HS3ST1: variants seen among roughly 807,000 people sequenced by gnomAD.
HS3ST1 encodes the protein heparan sulfate-glucosamine 3-sulfotransferase 1.
In HS3ST1, 8 loss-of-function variants were observed where a neutral mutation model predicts 20.7. The observed-to-expected ratio is 0.39, with a 90% CI of 0.23 to 0.70. The LOEUF is 0.70. Among genes scored for constraint, HS3ST1 ranks in the 30% least tolerant of loss-of-function variants. The pLI, the probability that HS3ST1 is intolerant of heterozygous loss-of-function variation, is 0.46. For missense variants in HS3ST1, 436 were observed against 423.4 expected (o/e 1.03, Z -0.26); for synonymous variants, 205 against 190.4 (o/e 1.08, Z -0.63).
chr4:11,399,188 G>C lies in HS3ST1; in HGVS notation c.818C>G (p.Ala273Gly), dbSNP rs866243263. 6.2e-7 allele frequency: 1 copy of C among 1,614,016 alleles called. No homozygotes were observed. Among genetic ancestry groups the C allele is most frequent in the Non-Finnish European group, 8.5e-7 (1 of 1,180,028 alleles). Residue 273 changes from alanine to glycine, a missense_variant, in exon 2 of 2, where the codon GCG becomes GGG. Coordinates refer to ENST00000002596, the MANE Select transcript of HS3ST1 (RefSeq NM_005114.4). This position sits in a 1 kb window ranked among gnomAD's most constrained non-coding sequence, Gnocchi z 5.1. ...DRCLHESKGR[A>G]HPQVDPKLLN... ...TAGTTTGGGATCGACTTGGGGGTGCGCCCGGCCTTTGGACTCATGTAAGCA... is the reference window on the plus strand; with the variant it reads ...TAGTTTGGGATCGACTTGGGGGTGCCCCCGGCCTTTGGACTCATGTAAGCA...
At chr4:11,420,858 G>T (rs187134714) in intron 1 of HS3ST1, among the ~76,000 whole-genome samples, 119 of 152,254 alleles carry the variant, frequency 7.8e-4, no homozygotes, top group African/African-American at 2.6e-3. Context: ...ATTTCACCTT[G>T]AAGACAACAC....
rs375448551 is a variant in HS3ST1, at chr4:11,405,801, A to T, written c.-108-5688T>A. ...GAAGCAATGAAATAACCCTTCAAAA[A>T]TATTTTCATTTTCTCCTTATGTCTC... On this transcript the variant is annotated intron_variant, in intron 1 of 1. Transcript: ENST00000002596. Among the ~76,000 whole-genome samples the T allele has an allele frequency of 2.0e-5, 3 of 152,344 alleles. No homozygotes were observed. The East Asian group carries it at 5.8e-4, about 29-fold the overall frequency.
chr4:11,415,121 C>T (rs1303922086), intron 1 of HS3ST1, among the ~76,000 whole-genome samples: 1 of 152,118 alleles, frequency 6.6e-6, no homozygotes, highest in Admixed American at 6.5e-5. Context: ...GGAGAAGGCA[C>T]CTGAGGAAAG....
intron 1 of HS3ST1, among the ~76,000 whole-genome samples, chr4:11,413,772 A>G (rs980072170): frequency 2.0e-5 from 3 of 150,314 alleles, no homozygotes; most frequent in African/African-American, 7.4e-5. Context: ...ACAGAGGCTC[A>G]TCGATAATGG....
At chr4:11,401,454 C>T (rs1455289164) in intron 1 of HS3ST1, among the ~76,000 whole-genome samples, 1 of 151,420 alleles carries the variant, frequency 6.6e-6, no homozygotes, top group Non-Finnish European at 1.5e-5. Flanking sequence ...AAGTGATTTT[C>T]CTGCCTCAGT....
chr4:11,415,158 A>G (rs889142350), intron 1 of HS3ST1, among the ~76,000 whole-genome samples: 6 of 152,234 alleles, frequency 3.9e-5, no homozygotes, highest in African/African-American at 1.4e-4. Context: ...GGACAAAAAC[A>G]AAGTTCAACA....
At chr4:11,427,515 TC>T (rs1212334759) in intron 1 of HS3ST1, among the ~76,000 whole-genome samples, 2 of 151,772 alleles carry the variant, frequency 1.3e-5, no homozygotes, top group Non-Finnish European at 2.9e-5. Context: ...CTCCCTAGAA[TC>T]CCCCCAAAAG....
chr4:11,405,190 A>G (rs1045638582), intron 1 of HS3ST1, among the ~76,000 whole-genome samples: 11 of 152,248 alleles, frequency 7.2e-5, no homozygotes, highest in Non-Finnish European at 1.6e-4. Flanking sequence ...CGATGGGTTA[A>G]TAGGTCCCAA....
chr4:11,399,726 C>T lies in HS3ST1; in HGVS notation c.280G>A (p.Glu94Lys), dbSNP rs768494055. The T allele has an allele frequency of 4.5e-5, 72 of 1,613,758 alleles. No homozygotes were observed. Among genetic ancestry groups the T allele is most frequent in the Non-Finnish European group, 5.2e-5 (61 of 1,180,038 alleles). ...ENEVHFFDWE[E>K]HYSHGLGWYL... ...CAGCCCAAGCCGTGGCTGTAATGCT[C>T]CTCCCAGTCGAAGAAGTGGACCTCG... The change falls in exon 2 of 2, where the codon GAG (glutamate) becomes AAG (lysine). Residue 94 changes from glutamate (E) to lysine (K), a missense_variant. Glu to Lys is a moderately conservative substitution (Grantham distance 56, BLOSUM62 1). Transcript: ENST00000002596. The surrounding 1 kb of genome is among the most constrained non-coding windows in gnomAD (Gnocchi z 5.1).
intron 1 of HS3ST1, among the ~76,000 whole-genome samples, chr4:11,422,544 G>T (rs1157265597): frequency 6.6e-6 from 1 of 152,114 alleles, no homozygotes; most frequent in Admixed American, 6.5e-5. Context: ...CATGAGACAG[G>T]CAGAGACTCG....
chr4:11,426,813 G>A (rs58059313), intron 1 of HS3ST1, among the ~76,000 whole-genome samples: 1 of 152,240 alleles, frequency 6.6e-6, no homozygotes, highest in South Asian at 2.1e-4. Context: ...TCTCTGCTTA[G>A]CGCTGGAGAA....
chr4:11,415,480 A>G (rs933806800), intron 1 of HS3ST1, among the ~76,000 whole-genome samples: 1 of 152,272 alleles, frequency 6.6e-6, no homozygotes, highest in African/African-American at 2.4e-5. Flanking sequence ...TAGCTCAATG[A>G]TATTAACTTG....
chr4:11,394,013 G>A lies in HS3ST1; in HGVS notation c.*5069C>T, dbSNP rs1048102011. 2 of 152,314 alleles carry A rather than the reference G, an allele frequency of 1.3e-5. No individual in the cohort carries two copies. The highest frequency in any genetic ancestry group is 4.8e-5 in the African/African-American group (2 of 41,558). The allele number at this position is 152,314 out of a possible 1,614,324, so 9.4% of individuals were successfully genotyped here. On this transcript the variant is annotated 3_prime_UTR_variant, in exon 2 of 2. Transcript: ENST00000002596. ...ACAGTCACATAGCTGGGAAGCAGAG[G>A]AGGAAAAAAGGCAGCGCATTTCTGC...
At chr4:11,414,810 C>G (rs757193066) in intron 1 of HS3ST1, among the ~76,000 whole-genome samples, 1 of 152,174 alleles carries the variant, frequency 6.6e-6, no homozygotes, top group African/African-American at 2.4e-5. Flanking sequence ...CTGTGAGTCA[C>G]TAAGTTGGAA....
At chr4:11,425,552 A>G (rs1394477435) in intron 1 of HS3ST1, among the ~76,000 whole-genome samples, 1 of 152,228 alleles carries the variant, frequency 6.6e-6, no homozygotes, top group Non-Finnish European at 1.5e-5. Context: ...AGTGATCACA[A>G]GAAGAGACTG....
intron 1 of HS3ST1, among the ~76,000 whole-genome samples, chr4:11,427,910 C>T (rs1044532874): frequency 6.6e-6 from 1 of 152,202 alleles, no homozygotes. Flanking sequence ...CGCCGTCCGC[C>T]CCCTGGCTGG....
chr4:11,413,998 A>G (rs1393120526), intron 1 of HS3ST1: 2 of 152,184 alleles, frequency 1.3e-5, no homozygotes, highest in African/African-American at 4.8e-5. Context: ...AGGAGAAATG[A>G]AGGACTAGCA....
At chr4:11,419,159 C>T (rs1481825844) in intron 1 of HS3ST1, among the ~76,000 whole-genome samples, 2 of 151,904 alleles carry the variant, frequency 1.3e-5, no homozygotes, top group Admixed American at 1.3e-4. Flanking sequence ...CCTTCTCTCT[C>T]CCTCTATCCA....
At position 11,398,397 on chromosome 4, in the gene HS3ST1, C is replaced by G. The variant is rs982220710; in HGVS notation, c.*685G>C. Reference sequence around the variant, plus strand: ...AAGGGTTTAATCCTCTTTATTATAACTGCTGAGATCAGAAGCATGTGCAAA... The same window carrying G: ...AAGGGTTTAATCCTCTTTATTATAAGTGCTGAGATCAGAAGCATGTGCAAA... On this transcript the variant is annotated 3_prime_UTR_variant, in exon 2 of 2. Coordinates refer to ENST00000002596, the MANE Select transcript of HS3ST1 (RefSeq NM_005114.4). The G allele has an allele frequency of 6.6e-6, 1 of 152,228 alleles. No homozygotes were observed. The highest frequency in any genetic ancestry group is 1.5e-5 in the Non-Finnish European group (1 of 68,046). 9.4% of individuals were successfully genotyped at this position (152,228 alleles called of 1,614,324 possible).
Sources: allele counts gnomAD v4.1 joint callset (sites outside exome capture counted in the v4.1 genomes callset), GRCh38; gene constraint gnomAD v4.1.1; non-coding constraint Gnocchi (gnomAD v3.1); transcripts MANE v1.5; gene names NCBI Gene and HGNC (gene_info 2026-07-23, HGNC 2026-07-21).